Variants in DLEC1 observed in about 807,000 individuals in gnomAD.
The protein encoded by DLEC1 is deleted in lung and esophageal cancer protein 1.
Under a neutral mutation model 198.1 loss-of-function variants are expected in DLEC1, and 146 were observed. That is an observed-to-expected ratio of 0.74 (90% confidence interval 0.64 to 0.85). The LOEUF is 0.85. DLEC1 is among the 40% of genes least tolerant of loss of function. The probability of loss-of-function intolerance (pLI) is 0.00; values close to 1 mark genes in which losing one functional copy is unlikely to be tolerated. For synonymous variants in DLEC1, 897 were observed against 866.8 expected (o/e 1.03, Z -0.61); for missense variants, 2,233 against 2,220.0 (o/e 1.01, Z -0.12).
chr3:38,063,782 C>A, intron 5 of DLEC1, 59 bp from the exon 6 acceptor site: 1 of 1,247,436 alleles, frequency 8.0e-7, no homozygotes, highest in Non-Finnish European at 1.2e-6. Context: ...TCACTGCCTA[C>A]TATTTCATTG....
chr3:38,109,325 G>T (rs1469721250), intron 21 of DLEC1, 107 bp from the exon 22 acceptor site: 91 of 1,481,106 alleles, frequency 6.1e-5, no homozygotes, highest in Non-Finnish European at 8.0e-5. Flanking sequence ...GATGAGCCTG[G>T]CCAGAGGTCA....
Position 38,117,941 on chromosome 3 carries a change from G to A in DLEC1, c.4621G>A (p.Gly1541Ser), listed in dbSNP as rs1338244413. ...GGCGAGCCAGGACCACAGAGCTCCTGGCCCTGGCCAGAAGCAGGAGTGTGA... is the reference window on the plus strand; with the variant it reads ...GGCGAGCCAGGACCACAGAGCTCCTAGCCCTGGCCAGAAGCAGGAGTGTGA... ...DGASQDHRAP[G>S]PGQKQECEEE... Residue 1541 changes from glycine (G) to serine (S), a missense_variant, in exon 33 of 37, where the codon GGC becomes AGC. Transcript: ENST00000308059. 6.2e-7 allele frequency: 1 copy of A among 1,614,130 alleles called. No individual in the cohort carries two copies. The highest frequency in any genetic ancestry group is 1.1e-5 in the South Asian group (1 of 91,080).
Position 38,085,150 on chromosome 3 carries a change from G to A in DLEC1, c.1262-124G>A, listed in dbSNP as rs1698383147. The A allele has an allele frequency of 7.6e-6, 8 of 1,048,984 alleles. No homozygotes were observed. In the South Asian group the frequency reaches 8.1e-5, roughly 11 times the overall value. The allele number at this position is 1,048,984 out of a possible 1,614,324, so 65.0% of individuals were successfully genotyped here. ...CATGCCCTTTTCCTGCCATCAGCGT[G>A]GCTTTGGCCCAGAAGGCACTTACAG... On this transcript the variant is annotated intron_variant, in intron 7 of 36. Transcript: ENST00000308059.
intron 21 of DLEC1, 111 bp from the exon 22 acceptor site, chr3:38,109,321 C>A: frequency 6.7e-7 from 1 of 1,482,014 alleles, no homozygotes; most frequent in South Asian, 1.3e-5. Flanking sequence ...TGGAGATGAG[C>A]CTGGCCAGAG....
At position 38,094,874 on chromosome 3, in the gene DLEC1, C is replaced by G; in HGVS notation, c.1920-5C>G. The stretch of plus-strand genomic sequence containing the variant: ...GACATGGCCTTGGATGCGTTGCCCC[C>G]ACAGGCACGTGGAGCTGGCCTTCTA... On this transcript the variant is annotated splice_region_variant and splice_polypyrimidine_tract_variant and intron_variant, in intron 12 of 36. Coordinates refer to ENST00000308059, the MANE Select transcript of DLEC1 (RefSeq NM_007335.4). 6.2e-7 allele frequency: 1 copy of G among 1,613,312 alleles called. No individual in the cohort carries two copies. Among genetic ancestry groups the G allele is most frequent in the Non-Finnish European group, 8.5e-7 (1 of 1,179,694 alleles).
intron 6 of DLEC1, among the ~76,000 whole-genome samples, chr3:38,066,603 C>T (rs1404304521): frequency 6.6e-6 from 1 of 152,202 alleles, no homozygotes; most frequent in Non-Finnish European, 1.5e-5. Flanking sequence ...TAGAAGCTTC[C>T]CACCTTCTTG....
intron 1 of DLEC1, 76 bp from the exon 2 acceptor site, chr3:38,045,467 G>T: frequency 1.3e-6 from 2 of 1,532,706 alleles, no homozygotes; most frequent in South Asian, 2.6e-5. Flanking sequence ...CCTGATCCTG[G>T]GGTAGGGCTG....
intron 6 of DLEC1, 137 bp from the exon 7 acceptor site, chr3:38,084,021 C>A: frequency 1.4e-6 from 1 of 713,864 alleles, no homozygotes; most frequent in Non-Finnish European, 2.3e-6. Context: ...CAGCCAGCTT[C>A]GACAGTTACC....
At chr3:38,053,508 G>T (rs952233608) in intron 2 of DLEC1, among the ~76,000 whole-genome samples, 1 of 149,956 alleles carries the variant, frequency 6.7e-6, no homozygotes, top group Non-Finnish European at 1.5e-5. Flanking sequence ...GAGCCCCTCC[G>T]CCCGGCAGCC....
rs773546576 is a variant in DLEC1 at position 38,108,464 on chromosome 3, G to A, written c.3078G>A (p.Leu1026=). 3.1e-6 allele frequency: 5 copies of A among 1,614,190 alleles called. No homozygotes were observed. The East Asian group carries it at 8.9e-5, about 29-fold the overall frequency. The change falls in exon 21 of 37, where the codon CTG becomes CTA. Residue 1026 remains leucine (L), a synonymous_variant. Coordinates refer to ENST00000308059, the MANE Select transcript of DLEC1 (RefSeq NM_007335.4). ...MVTVSPKHGL[L]GPSEECQLKL... Reference sequence around the variant, plus strand: ...CAGTCTCCCCCAAACATGGCCTGCTGGGCCCAAGTGAGGAGTGCCAGCTCA... The same window carrying A: ...CAGTCTCCCCCAAACATGGCCTGCTAGGCCCAAGTGAGGAGTGCCAGCTCA...
intron 6 of DLEC1, among the ~76,000 whole-genome samples, chr3:38,065,106 G>T (rs1054022206): frequency 9.9e-5 from 15 of 152,250 alleles, no homozygotes; most frequent in Admixed American, 6.5e-4. Context: ...GGAGGCTGAG[G>T]CTGGCAGATC....
chr3:38,039,477 C>T lies in DLEC1; in HGVS notation c.252C>T (p.Pro84=), dbSNP rs1700548388. The change falls in exon 1 of 37, where the codon CCC becomes CCT. Residue 84 remains proline (P), a synonymous_variant. Coordinates refer to ENST00000308059, the MANE Select transcript of DLEC1 (RefSeq NM_007335.4). ...RPEPQLLRLR[P]SSLRTQDISH... ...AGCCTCAGCTGCTTCGTCTGCGCCCCTCCTCGCTGCGCACCCAAGATATCT... is the reference window on the plus strand; with the variant it reads ...AGCCTCAGCTGCTTCGTCTGCGCCCTTCCTCGCTGCGCACCCAAGATATCT... 4.3e-6 allele frequency: 7 copies of T among 1,614,048 alleles called. No homozygotes were observed. Among genetic ancestry groups the T allele is most frequent in the Middle Eastern group, 1.6e-4 (1 of 6,062 alleles).
intron 6 of DLEC1, among the ~76,000 whole-genome samples, chr3:38,067,004 C>T (rs1697063763): frequency 6.6e-6 from 1 of 152,168 alleles, no homozygotes; most frequent in African/African-American, 2.4e-5. Context: ...AAAGGGAGAG[C>T]TGCTGATGGA....
chr3:38,099,612 A>T (rs767711622), intron 18 of DLEC1, among the ~76,000 whole-genome samples: 1 of 152,186 alleles, frequency 6.6e-6, no homozygotes, highest in Non-Finnish European at 1.5e-5. Context: ...GACAAAATAA[A>T]GCAAAGTGGC....
chr3:38,116,416 C>T (rs1700161764), intron 27 of DLEC1, 37 bp from the exon 28 acceptor site: 1 of 1,611,834 alleles, frequency 6.2e-7, no homozygotes, highest in Non-Finnish European at 8.5e-7. Flanking sequence ...GTCTGCTCCT[C>T]CCTTATTCCT....
Position 38,095,018 on chromosome 3 carries a change from G to T in DLEC1, c.2059G>T (p.Val687Phe), listed in dbSNP as rs1284361503. 1 of 1,614,220 alleles carries T rather than the reference G, an allele frequency of 6.2e-7. No homozygotes were observed. The highest frequency in any genetic ancestry group is 8.5e-7 in the Non-Finnish European group (1 of 1,180,034). The change falls in exon 13 of 37, where the codon GTT becomes TTT. Residue 687 changes from valine (V) to phenylalanine (F), a missense_variant. Transcript: ENST00000308059. ...TAFSIMPRKG[V>F]LSPHTDHEFI... is the part of the protein sequence containing the mutation. ...CTTCTCCATCATGCCCAGAAAGGGG[G>T]TTCTAAGCCCCCACACAGACCACGA...
chr3:38,073,229 G>C (rs1270109644), intron 6 of DLEC1, among the ~76,000 whole-genome samples: 3 of 152,220 alleles, frequency 2.0e-5, no homozygotes, highest in Admixed American at 2.0e-4. Flanking sequence ...CCACAGGATG[G>C]ATGGCAAAAC....
intron 13 of DLEC1, 109 bp downstream of exon 13, chr3:38,095,180 T>C (rs2125694295): frequency 7.2e-7 from 1 of 1,381,076 alleles, no homozygotes; most frequent in Non-Finnish European, 1.0e-6. Context: ...ACCGAGGTGC[T>C]ATCCTGCCCA....
Position 38,093,690 on chromosome 3 carries a change from A to T in DLEC1, c.1842A>T (p.Thr614=). 1 of 1,614,250 alleles carries T rather than the reference A, an allele frequency of 6.2e-7. No homozygotes were observed. The highest frequency in any genetic ancestry group is 8.5e-7 in the Non-Finnish European group (1 of 1,180,050). The change falls in exon 12 of 37, where the codon ACA becomes ACT. Residue 614 remains threonine (T), a synonymous_variant. Transcript: ENST00000308059. ...QPDPGELTDL[T]AQHFIRFEPE... is the part of the protein sequence containing the mutation. ...ACCCTGGAGAGCTCACAGACTTAAC[A>T]GCCCAGCACTTCATACGATTTGAGC...
Sources: allele counts gnomAD v4.1 joint callset (sites outside exome capture counted in the v4.1 genomes callset), GRCh38; gene constraint gnomAD v4.1.1; transcripts MANE v1.5; gene names NCBI Gene and HGNC (gene_info 2026-07-23, HGNC 2026-07-21).